CENPP: variants seen among roughly 807,000 people sequenced by gnomAD.
CENPP encodes centromere protein P.
In CENPP, 24 loss-of-function variants were observed where a neutral mutation model predicts 35.6. The observed-to-expected ratio is 0.67, with a 90% CI of 0.49 to 0.95. The LOEUF (loss-of-function observed/expected upper bound fraction) is 0.95, where lower values mean the gene tolerates loss of function less well. CENPP is among the 40% of genes least tolerant of loss of function. CENPP has a pLI of 0.00. For synonymous variants in CENPP, 120 were observed against 125.5 expected (o/e 0.96, Z 0.29); for missense variants, 332 against 345.3 (o/e 0.96, Z 0.31).
chr9:92,389,688 C>G, intron 5 of CENPP: 2 of 545,488 alleles, frequency 3.7e-6, no homozygotes, highest in South Asian at 5.5e-5. Context: ...ATAAGCTAGG[C>G]TGAATGAGCC....
At chr9:92,512,211 A>G (rs1389018649) in intron 5 of CENPP, 14 of 784,104 alleles carry the variant, frequency 1.8e-5, no homozygotes, top group Non-Finnish European at 2.9e-5. Context: ...CATAGATATC[A>G]AGAGAGAGCT....
At position 92,352,519 on chromosome 9, in the gene CENPP, A is replaced by G. The variant is rs1388932291; in HGVS notation, c.467+6732A>G. ...TGTGTGTGTGTGTATACATATATAT[A>G]TATATATATATATATATATAATATA... On this transcript the variant is annotated intron_variant, in intron 4 of 7. Coordinates refer to ENST00000375587, the MANE Select transcript of CENPP (RefSeq NM_001012267.3). Among the ~76,000 whole-genome samples the G allele has an allele frequency of 5.8e-4, 62 of 107,298 alleles. 3 individuals are homozygous for G. Among genetic ancestry groups the G allele is most frequent in the African/African-American group, 2.5e-3 (52 of 20,622 alleles). The allele number at this position is 107,298 out of a possible 152,430, so 70.4% of individuals were successfully genotyped here. A position where few individuals can be genotyped will look rare whatever the true frequency, so the allele number is the denominator to read the frequency against.
In CENPP at chr9:92,505,768, G is replaced by A. The variant is rs1358672258; in HGVS notation, c.565-105546G>A. The A allele has an allele frequency of 3.3e-6, 4 of 1,199,358 alleles. No homozygotes were observed. The African/African-American group carries it at 4.7e-5, about 14-fold the overall frequency. The allele number at this position is 1,199,358 out of a possible 1,614,324, so 74.3% of individuals were successfully genotyped here. A position where few individuals can be genotyped will look rare whatever the true frequency, so the allele number is the denominator to read the frequency against. The stretch of plus-strand genomic sequence containing the variant: ...TTTTTGTAGCCTTTTGAAATGTCAT[G>A]TGAAATGGCCGGTTTATTTGGAGGG... On this transcript the variant is annotated intron_variant, in intron 5 of 7. Coordinates refer to ENST00000375587, the MANE Select transcript of CENPP (RefSeq NM_001012267.3).
At chr9:92,446,456 G>T (rs898662793) in intron 5 of CENPP, among the ~76,000 whole-genome samples, 1 of 152,120 alleles carries the variant, frequency 6.6e-6, no homozygotes, top group African/African-American at 2.4e-5. Flanking sequence ...AATGCCGTTT[G>T]CCCCTTCCTC....
intron 5 of CENPP, among the ~76,000 whole-genome samples, chr9:92,529,667 A>C (rs916007772): frequency 3.3e-5 from 5 of 152,226 alleles, no homozygotes; most frequent in Non-Finnish European, 1.5e-5. Context: ...ACATGGAAGA[A>C]CCTTAAATGC....
chr9:92,466,283 A>C, intron 5 of CENPP: 1 of 962,536 alleles, frequency 1.0e-6, no homozygotes, highest in Non-Finnish European at 1.6e-6. Context: ...ATTATTCTTA[A>C]TAGTGACGAT....
chr9:92,347,720 T>C (rs6479419), intron 4 of CENPP, among the ~76,000 whole-genome samples: 67,533 of 151,980 alleles, frequency 0.44, 17,276 homozygotes, highest in African/African-American at 0.7. Context: ...CACAGTCTAC[T>C]TTCACTTTAA....
intron 2 of CENPP, among the ~76,000 whole-genome samples, chr9:92,336,388 A>G (rs1840930577): frequency 6.6e-6 from 1 of 152,120 alleles, no homozygotes; most frequent in African/African-American, 2.4e-5. Context: ...GGTGCTGCTG[A>G]CTCATAATAC....
chr9:92,549,659 C>A (rs67491714), intron 5 of CENPP, among the ~76,000 whole-genome samples: 13,507 of 73,200 alleles, frequency 0.18, 842 homozygotes, highest in African/African-American at 0.36. Flanking sequence ...AAAAAAAAAA[C>A]AAAACAAAAC....
chr9:92,423,477 T>G (rs1235182627), intron 5 of CENPP, among the ~76,000 whole-genome samples: 3 of 152,158 alleles, frequency 2.0e-5, no homozygotes, highest in Admixed American at 2.0e-4. Context: ...TGTTTTTATT[T>G]GTATGACATA....
At chr9:92,547,164 T>A (rs112674734) in intron 5 of CENPP, among the ~76,000 whole-genome samples, 3 of 152,242 alleles carry the variant, frequency 2.0e-5, no homozygotes, top group African/African-American at 4.8e-5. Context: ...GCAAAAAAAA[T>A]TTTTGATAAA....
At chr9:92,549,409 G>A (rs1849538211) in intron 5 of CENPP, among the ~76,000 whole-genome samples, 1 of 152,158 alleles carries the variant, frequency 6.6e-6, no homozygotes. Flanking sequence ...CACTTTGGGA[G>A]GCCGAGACGG....
At chr9:92,428,077 A>G (rs1844013739) in intron 5 of CENPP, among the ~76,000 whole-genome samples, 2 of 152,196 alleles carry the variant, frequency 1.3e-5, no homozygotes, top group Admixed American at 1.3e-4. Context: ...CAGAAAGGCC[A>G]CTTGGGCAGC....
chr9:92,508,252 CG>C (rs1390169874), intron 5 of CENPP, among the ~76,000 whole-genome samples: 1 of 152,256 alleles, frequency 6.6e-6, no homozygotes, highest in African/African-American at 2.4e-5. Context: ...GGAGTGCAGC[CG>C]GGGGTATCTG....
chr9:92,420,234 G>T (rs767898487), intron 5 of CENPP, among the ~76,000 whole-genome samples: 39 of 152,102 alleles, frequency 2.6e-4, no homozygotes, highest in Non-Finnish European at 4.7e-4. Context: ...CAATTTCCGT[G>T]GAACCTCAGC....
intron 5 of CENPP, among the ~76,000 whole-genome samples, chr9:92,583,954 ATGAGT>A (rs1222960100): frequency 5.3e-5 from 8 of 152,222 alleles, no homozygotes; most frequent in African/African-American, 1.9e-4. Flanking sequence ...CTTTCTGTCT[ATGAGT>A]TGATGGCTCT....
At chr9:92,546,805 A>C (rs532490338) in intron 5 of CENPP, among the ~76,000 whole-genome samples, 20 of 152,324 alleles carry the variant, frequency 1.3e-4, no homozygotes, top group African/African-American at 4.3e-4. Context: ...TTAAAAAAAC[A>C]ATAAAATTGT....
At chr9:92,344,776 T>C (rs1193012005) in intron 3 of CENPP, among the ~76,000 whole-genome samples, 1 of 150,590 alleles carries the variant, frequency 6.6e-6, no homozygotes, top group Admixed American at 6.6e-5. Flanking sequence ...CTCCAACTCC[T>C]AACCTCAGGT....
chr9:92,548,267 C>A (rs570576470), intron 5 of CENPP, among the ~76,000 whole-genome samples: 1 of 152,276 alleles, frequency 6.6e-6, no homozygotes, highest in Non-Finnish European at 1.5e-5. Context: ...CTGGTACTTT[C>A]TCTGCTCAAT....
Sources: allele counts gnomAD v4.1 joint callset (sites outside exome capture counted in the v4.1 genomes callset), GRCh38; gene constraint gnomAD v4.1.1; transcripts MANE v1.5; gene names NCBI Gene and HGNC (gene_info 2026-07-23, HGNC 2026-07-21).